HLA-DQA1: variants seen among roughly 807,000 people sequenced by gnomAD.
HLA-DQA1 encodes the protein HLA class II histocompatibility antigen, DQ alpha 1 chain.
Under a neutral mutation model 20.7 loss-of-function variants are expected in HLA-DQA1, and 10 were observed. That is an observed-to-expected ratio of 0.48 (90% CI 0.30 to 0.82). The LOEUF is 0.82. Among genes scored for constraint, HLA-DQA1 ranks in the 40% least tolerant of loss-of-function variants. The pLI is 0.07. For missense variants in HLA-DQA1, 127 were observed against 293.0 expected (o/e 0.43, Z 4.14); for synonymous variants, 39 against 109.2 (o/e 0.36, Z 4.01).
At chr6:32,643,830 T>C (rs1458905309), downstream of HLA-DQA1, 2 of 151,806 alleles carry the variant, frequency 1.3e-5, no homozygotes, top group African/African-American at 4.8e-5. Context: ...AAGGAACAAA[T>C]ACTTATTCCT....
chr6:32,641,201 A>AAGAC, intron 1 of HLA-DQA1, 109 bp from the exon 2 acceptor site: 1 of 758,364 alleles, frequency 1.3e-6, no homozygotes, highest in Non-Finnish European at 2.0e-6. Flanking sequence ...GACTGTGCCA[A>AAGAC]AAAATGAAGC....
chr6:32,638,489 T>A (rs28383349), intron 1 of HLA-DQA1, among the ~76,000 whole-genome samples: 1 of 92,614 alleles, frequency 1.1e-5, no homozygotes, highest in Non-Finnish European at 2.4e-5. Context: ...CTGGGCAACA[T>A]AGCAAGACCT....
chr6:32,640,410 C>T (rs28383407), intron 1 of HLA-DQA1, among the ~76,000 whole-genome samples: 2,187 of 84,022 alleles, frequency 0.026, 118 homozygotes, highest in Middle Eastern at 0.045. Flanking sequence ...ACAAAAAAGT[C>T]CAGTTTGGCT....
At chr6:32,650,989 T>A (rs1782159766), downstream of HLA-DQA1, among the ~76,000 whole-genome samples, 1 of 84,420 alleles carries the variant, frequency 1.2e-5, no homozygotes. Flanking sequence ...CCTGGGTTCA[T>A]GCCATTCTCC....
At position 32,642,768 on chromosome 6, in the gene HLA-DQA1, C is replaced by T. The variant is rs777651266; in HGVS notation, c.*4C>T. On this transcript the variant is annotated 3_prime_UTR_variant, in exon 4 of 5. Transcript: ENST00000343139. ...CAGACACCAAGGGCCATTGTGAATC[C>T]CATCCTGGAAGGGAAGGTAAGATTG... is the stretch of plus-strand genomic sequence containing the variant. 9.6e-6 allele frequency: 11 copies of T among 1,145,416 alleles called. 2 individuals are homozygous for T. Among genetic ancestry groups the T allele is most frequent in the South Asian group, 1.3e-5 (1 of 76,802 alleles). The allele number at this position is 1,145,416 out of a possible 1,614,324, so 71.0% of individuals were successfully genotyped here.
chr6:32,655,265 T>TTTTTTTTTTAATTTGTTTTAA, the HLA-DQA1 span, among the ~76,000 whole-genome samples: 1 of 77,674 alleles, frequency 1.3e-5, no homozygotes. Context: ...TTCTGTTTTT[T>TTTTTTTTTTAATTTGTTTTAA]AAAATCACCT....
chr6:32,637,702 C>T (rs1780986067), intron 1 of HLA-DQA1, among the ~76,000 whole-genome samples, 162 bp downstream of exon 1: 1 of 103,010 alleles, frequency 9.7e-6, no homozygotes, highest in Admixed American at 1.2e-4. Context: ...AAACCAGAGC[C>T]CCAACCTACT....
downstream of HLA-DQA1, chr6:32,646,850 TC>T (rs779585865): frequency 2.4e-3 from 100 of 41,642 alleles, no homozygotes; most frequent in East Asian, 0.017. Flanking sequence ...CAACTCCATT[TC>T]TTCAGCAACA....
chr6:32,653,281 G>A, the HLA-DQA1 span, among the ~76,000 whole-genome samples: 5,270 of 48,006 alleles, frequency 0.11, 1,903 homozygotes, highest in Middle Eastern at 0.24. Context: ...TGTTGTTGTT[G>A]TTGTTTGAGA....
At chr6:32,649,314 C>T (rs1046957083), downstream of HLA-DQA1, among the ~76,000 whole-genome samples, 42 of 96,790 alleles carry the variant, frequency 4.3e-4, 12 homozygotes, top group African/African-American at 1.4e-3. Context: ...AAAAAGAGCC[C>T]ACATAGCCAA....
In HLA-DQA1 at chr6:32,640,008, A is replaced by G. The variant is rs1359733498; in HGVS notation, c.83-1302A>G. On this transcript the variant is annotated intron_variant, in intron 1 of 4. Coordinates refer to ENST00000343139, the MANE Select transcript of HLA-DQA1 (RefSeq NM_002122.5). ...AACATGTTGATGAGAGGACTCAGCTACAAAGTTGTTAACTTAAGCAGAAAC... is the reference window on the plus strand; with the variant it reads ...AACATGTTGATGAGAGGACTCAGCTGCAAAGTTGTTAACTTAAGCAGAAAC... The G allele has an allele frequency of 2.0e-5, 2 of 99,062 alleles. 1 individual carries two copies. The highest frequency in any genetic ancestry group is 4.5e-5 in the Non-Finnish European group (2 of 44,306). The allele number at this position is 99,062 out of a possible 1,614,324, so 6.1% of individuals were successfully genotyped here.
downstream of HLA-DQA1, among the ~76,000 whole-genome samples, chr6:32,650,673 G>A (rs369728384): frequency 1.2e-5 from 1 of 86,268 alleles, no homozygotes; most frequent in East Asian, 3.7e-4. Flanking sequence ...ACACAGGGAG[G>A]TGAACATTAC....
In HLA-DQA1 at chr6:32,637,724, C is replaced by A. The variant is rs9272451; in HGVS notation, c.82+184C>A. 3.0e-5 allele frequency among the ~76,000 whole-genome samples: 3 copies of A among 98,444 alleles called. 1 individual carries two copies. The highest frequency in any genetic ancestry group is 6.7e-5 in the Non-Finnish European group (3 of 44,746). 64.6% of individuals were successfully genotyped at this position (98,444 alleles called of 152,430 possible). A position where few individuals can be genotyped will look rare whatever the true frequency, so the allele number is the denominator to read the frequency against. ...AGCCCCAACCTACTCTTTTTGTTAT[C>A]TATGCTGTTGTGTTCACTAAGGACG... On this transcript the variant is annotated intron_variant, in intron 1 of 4. Coordinates refer to ENST00000343139, the MANE Select transcript of HLA-DQA1 (RefSeq NM_002122.5).
downstream of HLA-DQA1, chr6:32,646,063 C>T (rs1414881737): frequency 1.3e-5 from 2 of 149,640 alleles, no homozygotes; most frequent in African/African-American, 4.9e-5. Context: ...GTTAAAATAG[C>T]AGAATTAAAA....
rs1781664641 is a variant in HLA-DQA1, at chr6:32,643,631, G to T, written c.*700G>T. 6.7e-6 allele frequency: 1 copy of T among 149,982 alleles called. No homozygotes were observed. The highest frequency in any genetic ancestry group is 6.7e-5 in the Admixed American group (1 of 14,844). The allele number at this position is 149,982 out of a possible 1,614,324, so 9.3% of individuals were successfully genotyped here. ...AAAGTATGACAGAGAAATAAGTTAG[G>T]ATAAAGGAAATTTGAATCTCAAAAA... On this transcript the variant is annotated 3_prime_UTR_variant, in exon 5 of 5. Coordinates refer to ENST00000343139, the MANE Select transcript of HLA-DQA1 (RefSeq NM_002122.5).
intron 1 of HLA-DQA1, chr6:32,639,173 C>T: frequency 5.2e-6 from 1 of 193,334 alleles, no homozygotes; most frequent in African/African-American, 2.9e-5. Flanking sequence ...TTGGCTCATT[C>T]ATTAGGCACA....
downstream of HLA-DQA1, chr6:32,644,876 A>G (rs2150977897): frequency 7.3e-6 from 1 of 137,824 alleles, no homozygotes; most frequent in Non-Finnish European, 1.6e-5. Flanking sequence ...GGTATATCAT[A>G]TACAACAGAT....
chr6:32,638,320 A>G lies in HLA-DQA1; in HGVS notation c.82+780A>G, dbSNP rs115177145. Among the ~76,000 whole-genome samples the G allele has an allele frequency of 9.6e-3, 1,155 of 120,842 alleles. 8 individuals carry two copies. Among genetic ancestry groups the G allele is most frequent in the East Asian group, 0.02 (81 of 4,082 alleles). 79.3% of individuals were successfully genotyped at this position (120,842 alleles called of 152,430 possible). A position where few individuals can be genotyped will look rare whatever the true frequency, so the allele number is the denominator to read the frequency against. ...AAAAATTGGTAAAATAAATCATTTT[A>G]TTCTCAAATTATCAACCCAAATTAC... On this transcript the variant is annotated intron_variant, in intron 1 of 4. Transcript: ENST00000343139.
chr6:32,652,151 G>A, the HLA-DQA1 span, among the ~76,000 whole-genome samples: 6 of 92,006 alleles, frequency 6.5e-5, 3 homozygotes, highest in Admixed American at 2.7e-4. Context: ...GCACGGTGGC[G>A]GGTGCCTGTA....
Sources: allele counts gnomAD v4.1 joint callset (sites outside exome capture counted in the v4.1 genomes callset), GRCh38; gene constraint gnomAD v4.1.1; transcripts MANE v1.5; gene names NCBI Gene and HGNC (gene_info 2026-07-23, HGNC 2026-07-21).